Variants in LAMA2 observed in about 807,000 individuals in gnomAD.
LAMA2 encodes the protein laminin subunit alpha-2.
LAMA2 carries 269 observed loss-of-function variants against 364.8 expected under a neutral mutation model. The ratio of observed to expected loss-of-function variants is 0.74; its 90% confidence interval spans 0.67 to 0.82. LAMA2 has a LOEUF of 0.82. LAMA2 is among the 40% of genes least tolerant of loss of function. The pLI is 0.00. For missense variants in LAMA2, 3,807 were observed against 3,873.2 expected (o/e 0.98, Z 0.45); for synonymous variants, 1,379 against 1,370.6 (o/e 1.01, Z -0.14).
intron 3 of LAMA2, among the ~76,000 whole-genome samples, chr6:129,069,038 T>A (rs1773128178): frequency 6.6e-6 from 1 of 152,170 alleles, no homozygotes; most frequent in African/African-American, 2.4e-5. Flanking sequence ...AGATCCTATT[T>A]CAAATAGAGT....
At chr6:129,373,325 AC>A (rs1778192302) in intron 34 of LAMA2, among the ~76,000 whole-genome samples, 1 of 152,178 alleles carries the variant, frequency 6.6e-6, no homozygotes, top group South Asian at 2.1e-4. Context: ...TTTAAAATAA[AC>A]TTTTTACTTT....
At chr6:129,373,858 C>T (rs568458960) in intron 34 of LAMA2, among the ~76,000 whole-genome samples, 13 of 152,304 alleles carry the variant, frequency 8.5e-5, no homozygotes, top group African/African-American at 2.9e-4. Context: ...TGACTTATTA[C>T]TGTGGATATT....
intron 28 of LAMA2, among the ~76,000 whole-genome samples, chr6:129,325,125 C>T (rs985103174): frequency 6.6e-6 from 1 of 152,190 alleles, no homozygotes; most frequent in Non-Finnish European, 1.5e-5. Context: ...GCTTCATTCT[C>T]TCCTCTCTAC....
At chr6:128,930,776 A>G (rs1779423784) in intron 1 of LAMA2, among the ~76,000 whole-genome samples, 1 of 152,200 alleles carries the variant, frequency 6.6e-6, no homozygotes, top group Admixed American at 6.5e-5. Context: ...TAGAACTCTA[A>G]TTATATAAAT....
intron 18 of LAMA2, among the ~76,000 whole-genome samples, chr6:129,285,920 T>C (rs1789079592): frequency 6.6e-6 from 1 of 152,146 alleles, no homozygotes; most frequent in Admixed American, 6.6e-5. Flanking sequence ...TGAATATAAG[T>C]AATTTCATTT....
chr6:129,478,652 C>G, intron 53 of LAMA2, 41 bp from the exon 54 acceptor site: 3 of 1,608,836 alleles, frequency 1.9e-6, no homozygotes, highest in Non-Finnish European at 2.6e-6. Context: ...TACCATCACC[C>G]TAATGATATT....
intron 12 of LAMA2, among the ~76,000 whole-genome samples, chr6:129,206,342 C>G (rs1165903991): frequency 6.6e-6 from 1 of 152,092 alleles, no homozygotes; most frequent in Non-Finnish European, 1.5e-5. Context: ...GTTCTAGTGC[C>G]CCACTCAAGA....
chr6:129,472,051 A>C lies in LAMA2; in HGVS notation c.7301-1163A>C, dbSNP rs1381303836. Among the ~76,000 whole-genome samples the C allele has an allele frequency of 2.6e-5, 4 of 151,902 alleles. No individual in the cohort carries two copies. The East Asian group carries it at 7.7e-4, about 29-fold the overall frequency. On this transcript the variant is annotated intron_variant, in intron 51 of 64. Coordinates refer to ENST00000421865, the MANE Select transcript of LAMA2 (RefSeq NM_000426.4). Reference sequence around the variant, plus strand: ...ATTTCGTGGTCAAATAAATTTGGGAAATACTTTTTGCTCTATGTCCTTCTC... The same window carrying C: ...ATTTCGTGGTCAAATAAATTTGGGACATACTTTTTGCTCTATGTCCTTCTC...
chr6:129,103,245 A>T (rs1389198005), intron 4 of LAMA2, among the ~76,000 whole-genome samples: 2 of 152,126 alleles, frequency 1.3e-5, no homozygotes, highest in Non-Finnish European at 2.9e-5. Flanking sequence ...GTTGACTCTT[A>T]CTGTATAATC....
At chr6:129,472,116 G>C (rs1302023810) in intron 51 of LAMA2, among the ~76,000 whole-genome samples, 8 of 151,844 alleles carry the variant, frequency 5.3e-5, no homozygotes, top group Admixed American at 5.3e-4. Flanking sequence ...TGAAAGATCT[G>C]GGCAGCTATA....
At chr6:129,404,000 C>T in intron 40 of LAMA2, 41 bp downstream of exon 40, 1 of 1,609,766 alleles carries the variant, frequency 6.2e-7, no homozygotes, top group Non-Finnish European at 8.5e-7. Context: ...TGGAAGTCAA[C>T]CTTTTTGAAT....
chr6:129,473,211 C>T lies in LAMA2; in HGVS notation c.7301-3C>T, dbSNP rs994397375. 6.9e-6 allele frequency: 11 copies of T among 1,584,310 alleles called. No homozygotes were observed. Among genetic ancestry groups the T allele is most frequent in the Non-Finnish European group, 8.7e-6 (10 of 1,153,962 alleles). On this transcript the variant is annotated splice_polypyrimidine_tract_variant and splice_region_variant and intron_variant, in intron 51 of 64. Coordinates refer to ENST00000421865, the MANE Select transcript of LAMA2 (RefSeq NM_000426.4). ...AATGTTAAACTTTCTTTCTCCTTTACAGCCAATATATCAATTGTAGATATA... is the reference window on the plus strand; with the variant it reads ...AATGTTAAACTTTCTTTCTCCTTTATAGCCAATATATCAATTGTAGATATA...
chr6:128,921,955 G>A (rs1778767574), intron 1 of LAMA2, among the ~76,000 whole-genome samples: 1 of 148,924 alleles, frequency 6.7e-6, no homozygotes, highest in South Asian at 2.1e-4. Context: ...AGAATATGCG[G>A]TGTTTGGTTT....
chr6:129,247,027 T>A lies in LAMA2; in HGVS notation c.1783-3085T>A, dbSNP rs184323756. Among the ~76,000 whole-genome samples the A allele has an allele frequency of 6.0e-4, 92 of 152,314 alleles. 2 individuals carry two copies. Among genetic ancestry groups the A allele is most frequent in the Admixed American group, 5.4e-3 (83 of 15,292 alleles). ...AACAACACCAGGAAAAGCTTGATTT[T>A]ACAGCTTATGGAAAGATTGTGGAGT... On this transcript the variant is annotated intron_variant, in intron 12 of 64. Coordinates refer to ENST00000421865, the MANE Select transcript of LAMA2 (RefSeq NM_000426.4).
At chr6:128,998,120 G>T (rs914323939) in intron 1 of LAMA2, among the ~76,000 whole-genome samples, 2 of 152,086 alleles carry the variant, frequency 1.3e-5, no homozygotes, top group Non-Finnish European at 2.9e-5. Flanking sequence ...AGGAAAAGAG[G>T]TCAGCGAGGA....
intron 12 of LAMA2, among the ~76,000 whole-genome samples, chr6:129,218,515 A>G (rs1783571147): frequency 6.6e-6 from 1 of 152,190 alleles, no homozygotes; most frequent in Non-Finnish European, 1.5e-5. Flanking sequence ...CTACCTCTAC[A>G]ATATAAGATA....
At chr6:129,366,181 A>G in intron 32 of LAMA2, 38 bp from the exon 33 acceptor site, 3 of 1,609,978 alleles carry the variant, frequency 1.9e-6, no homozygotes, top group Non-Finnish European at 1.7e-6. Context: ...TGGGATGTTT[A>G]GCAGAAGTAA....
chr6:129,485,364 A>C (rs1476275239), intron 55 of LAMA2, among the ~76,000 whole-genome samples: 2 of 152,212 alleles, frequency 1.3e-5, no homozygotes, highest in Non-Finnish European at 2.9e-5. Flanking sequence ...GTATAGTATA[A>C]AGTAAGTTAA....
At chr6:128,902,062 A>C (rs548309094) in intron 1 of LAMA2, among the ~76,000 whole-genome samples, 1 of 152,340 alleles carries the variant, frequency 6.6e-6, no homozygotes, top group East Asian at 1.9e-4. Context: ...AGGAAGGAGA[A>C]GTGCAGAGCG....
Sources: allele counts gnomAD v4.1 joint callset (sites outside exome capture counted in the v4.1 genomes callset), GRCh38; gene constraint gnomAD v4.1.1; transcripts MANE v1.5; gene names NCBI Gene and HGNC (gene_info 2026-07-23, HGNC 2026-07-21).